ZSWIM5: variants seen among roughly 807,000 people sequenced by gnomAD.
ZSWIM5 encodes the protein zinc finger SWIM-type containing 5.
In ZSWIM5, 55 loss-of-function variants were observed where a neutral mutation model predicts 119.6. The ratio of observed to expected loss-of-function variants is 0.46; its 90% confidence interval spans 0.37 to 0.58. The LOEUF (loss-of-function observed/expected upper bound fraction) is 0.58, where lower values mean the gene tolerates loss of function less well. Ranked by LOEUF, ZSWIM5 falls within the 20% of genes least tolerant of loss-of-function variation. The pLI, the probability that ZSWIM5 is intolerant of heterozygous loss-of-function variation, is 0.00. For synonymous variants in ZSWIM5, 537 were observed against 606.9 expected (o/e 0.88, Z 1.69); for missense variants, 1,193 against 1,512.8 (o/e 0.79, Z 3.51).
Position 45,034,452 on chromosome 1 carries a change from T to G in ZSWIM5, c.2309A>C (p.Asn770Thr). The G allele has an allele frequency of 1.2e-6, 2 of 1,605,554 alleles. No homozygotes were observed. The highest frequency in any genetic ancestry group is 2.2e-5 in the East Asian group (1 of 44,580). ...LRAMRLPVLE[N>T]SASAGDTSHP... Reference sequence around the variant, plus strand: ...GGATGTGTCGCCTGCAGAAGCTGAGTTTTCTAAAACAGGTAACCTGGAAGA... The same window carrying G: ...GGATGTGTCGCCTGCAGAAGCTGAGGTTTCTAAAACAGGTAACCTGGAAGA... The change falls in exon 11 of 14, where the codon AAC (asparagine) becomes ACC (threonine). Residue 770 changes from asparagine (N) to threonine (T), a missense_variant. Physicochemically the swap from Asn to Thr is moderately conservative, Grantham distance 65 (BLOSUM62 0). Coordinates refer to ENST00000359600, the MANE Select transcript of ZSWIM5 (RefSeq NM_020883.2).
intron 2 of ZSWIM5, among the ~76,000 whole-genome samples, chr1:45,075,546 T>C (rs1413475243): frequency 6.6e-6 from 1 of 152,232 alleles, no homozygotes; most frequent in Non-Finnish European, 1.5e-5. Context: ...TTTGTTTCCA[T>C]TGACATGAAA....
chr1:45,031,578 G>A (rs572811251), intron 11 of ZSWIM5, among the ~76,000 whole-genome samples: 22 of 151,746 alleles, frequency 1.4e-4, no homozygotes, highest in Non-Finnish European at 2.6e-4. Flanking sequence ...AGTGGCTAAC[G>A]CCTGTAATCC....
chr1:45,185,600 C>T (rs1386658056), intron 1 of ZSWIM5, among the ~76,000 whole-genome samples: 10 of 152,164 alleles, frequency 6.6e-5, no homozygotes, highest in South Asian at 2.1e-4. Flanking sequence ...AGGATATGAA[C>T]AGACACTTCT....
intron 6 of ZSWIM5, 134 bp downstream of exon 6, chr1:45,043,085 T>C (rs1645025727): frequency 1.1e-6 from 1 of 902,672 alleles, no homozygotes; most frequent in Non-Finnish European, 1.7e-6. Context: ...ATATCCCTAA[T>C]AAAAGCCCCA....
intron 1 of ZSWIM5, among the ~76,000 whole-genome samples, chr1:45,182,721 C>T (rs1049664177): frequency 6.6e-6 from 1 of 151,862 alleles, no homozygotes; most frequent in Admixed American, 6.6e-5. Context: ...TATATGCACC[C>T]AATACAGGAG....
At chr1:45,130,365 A>AACACACACAC (rs3051045) in intron 1 of ZSWIM5, among the ~76,000 whole-genome samples, 1 of 149,658 alleles carries the variant, frequency 6.7e-6, no homozygotes, top group Non-Finnish European at 1.5e-5. Context: ...GAACACTTAA[A>AACACACACAC]ACACACACAC....
intron 9 of ZSWIM5, 91 bp downstream of exon 9, chr1:45,035,948 C>T: frequency 6.4e-7 from 1 of 1,564,284 alleles, no homozygotes; most frequent in Non-Finnish European, 8.7e-7. Context: ...ATTTTAATGT[C>T]ATAAATGTTC....
intron 11 of ZSWIM5, among the ~76,000 whole-genome samples, chr1:45,024,575 T>C (rs892670368): frequency 2.6e-5 from 4 of 152,052 alleles, no homozygotes; most frequent in Admixed American, 2.6e-4. Context: ...GTGCTTTTGG[T>C]GTTGTATCTA....
intron 1 of ZSWIM5, among the ~76,000 whole-genome samples, chr1:45,128,750 C>T (rs1645636667): frequency 6.6e-6 from 1 of 152,218 alleles, no homozygotes; most frequent in Non-Finnish European, 1.5e-5. Flanking sequence ...GTTTCACTGC[C>T]TCAAATATCC....
At chr1:45,038,663 G>A (rs769941608) in intron 8 of ZSWIM5, among the ~76,000 whole-genome samples, 1 of 122,824 alleles carries the variant, frequency 8.1e-6, no homozygotes, top group African/African-American at 3.1e-5. Flanking sequence ...TTGCAGTGCA[G>A]TGGTGTGATC....
chr1:45,062,696 A>G (rs1645160001), intron 2 of ZSWIM5, among the ~76,000 whole-genome samples: 1 of 152,112 alleles, frequency 6.6e-6, no homozygotes, highest in Non-Finnish European at 1.5e-5. Flanking sequence ...TTGTAGAGAT[A>G]GGGTCTTGCT....
chr1:45,119,607 T>C (rs1645578897), intron 1 of ZSWIM5, among the ~76,000 whole-genome samples: 1 of 152,236 alleles, frequency 6.6e-6, no homozygotes, highest in Admixed American at 6.5e-5. Flanking sequence ...CAATGTATGC[T>C]GTTACAAATT....
chr1:45,072,970 T>C lies in ZSWIM5; in HGVS notation c.953-12723A>G, dbSNP rs542530680. 1.3e-5 allele frequency among the ~76,000 whole-genome samples: 2 copies of C among 152,138 alleles called. No individual in the cohort carries two copies. The highest frequency in any genetic ancestry group is 2.1e-4 in the South Asian group (1 of 4,826). Reference sequence around the variant, plus strand: ...TTTTCTATTTCTGTGAAGAATGTCATTGGTATTTTGATAGGGATTACATTG... The same window carrying C: ...TTTTCTATTTCTGTGAAGAATGTCACTGGTATTTTGATAGGGATTACATTG... On this transcript the variant is annotated intron_variant, in intron 2 of 13. Coordinates refer to ENST00000359600, the MANE Select transcript of ZSWIM5 (RefSeq NM_020883.2). The surrounding 1 kb of genome is among the most constrained non-coding windows in gnomAD (Gnocchi z 4.1).
rs547065814 is a variant in ZSWIM5 at position 45,179,434 on chromosome 1, T to C, written c.595+26322A>G. On this transcript the variant is annotated intron_variant, in intron 1 of 13. Coordinates refer to ENST00000359600, the MANE Select transcript of ZSWIM5 (RefSeq NM_020883.2). ...TAAAAATGGGAACAACAGACACTGA[T>C]GAATACAACATAGGGAAGGGAGAGG... Among the ~76,000 whole-genome samples the C allele has an allele frequency of 9.9e-5, 15 of 152,178 alleles. No individual in the cohort carries two copies. In the East Asian group the frequency reaches 2.7e-3, roughly 27 times the overall value.
chr1:45,182,946 T>A (rs1304732145), intron 1 of ZSWIM5, among the ~76,000 whole-genome samples: 2 of 149,492 alleles, frequency 1.3e-5, no homozygotes, highest in African/African-American at 4.9e-5. Context: ...AGAATATACA[T>A]TTTTTTCAGC....
intron 2 of ZSWIM5, among the ~76,000 whole-genome samples, chr1:45,063,611 C>T (rs1645165544): frequency 6.6e-6 from 1 of 152,150 alleles, no homozygotes; most frequent in Admixed American, 6.5e-5. Context: ...TTTTCCTCCT[C>T]CTTCCTCTAA....
At chr1:45,174,795 A>C (rs1226746) in intron 1 of ZSWIM5, among the ~76,000 whole-genome samples, 23,683 of 151,960 alleles carry the variant, frequency 0.16, 1,968 homozygotes, top group African/African-American at 0.18. Flanking sequence ...ACAATCTCAA[A>C]CTTACAGAAA....
intron 2 of ZSWIM5, among the ~76,000 whole-genome samples, chr1:45,078,531 G>A (rs1381846365): frequency 1.3e-5 from 2 of 152,174 alleles, no homozygotes; most frequent in Non-Finnish European, 2.9e-5. Context: ...AACTAATGGG[G>A]TCTTTCTCTG....
At position 45,153,179 on chromosome 1, in the gene ZSWIM5, G is replaced by T. The variant is rs140496539; in HGVS notation, c.595+52577C>A. Among the ~76,000 whole-genome samples the T allele has an allele frequency of 1.7e-3, 264 of 151,650 alleles. 4 individuals carry two copies. The highest frequency in any genetic ancestry group is 6.8e-3 in the Middle Eastern group (2 of 294). On this transcript the variant is annotated intron_variant, in intron 1 of 13. Transcript: ENST00000359600. ...AAAACACACTTGCACACTACTGGTG[G>T]TAATTTAATTCAGCCACTGTGGAAA...
Sources: gnomAD v4.1 joint callset for allele counts (sites outside exome capture counted in the v4.1 genomes callset) on GRCh38, gnomAD v4.1.1 for gene constraint, Gnocchi (gnomAD v3.1) non-coding constraint, MANE v1.5 for transcripts, NCBI Gene and HGNC (gene_info 2026-07-23, HGNC 2026-07-21) for gene names.